TRPM1: variants seen among roughly 807,000 people sequenced by gnomAD.
The protein encoded by TRPM1 is TRPM1-203 APA Isoform, Intron 10.
A neutral mutation model predicts 149.4 loss-of-function variants in TRPM1; 113 were observed. The observed-to-expected ratio is 0.76, with a 90% CI of 0.65 to 0.88. The LOEUF (loss-of-function observed/expected upper bound fraction) is 0.88, where lower values mean the gene tolerates loss of function less well. Ranked by LOEUF, TRPM1 falls within the 40% of genes least tolerant of loss-of-function variation. The probability of loss-of-function intolerance (pLI) is 0.00; values close to 1 mark genes in which losing one functional copy is unlikely to be tolerated. For synonymous variants in TRPM1, 741 were observed against 759.5 expected (o/e 0.98, Z 0.40); for missense variants, 1,976 against 2,038.7 (o/e 0.97, Z 0.59).
chr15:31,089,044 A>G (rs1306251973), intron 1 of TRPM1, among the ~76,000 whole-genome samples: 2 of 152,224 alleles, frequency 1.3e-5, no homozygotes, highest in African/African-American at 2.4e-5. Context: ...GGTATCAGAA[A>G]TCCAGTAATT....
chr15:31,160,461 G>A (rs1030552866), intron 1 of TRPM1, among the ~76,000 whole-genome samples: 14 of 152,148 alleles, frequency 9.2e-5, no homozygotes, highest in African/African-American at 2.7e-4. Context: ...CCCTAAGGGC[G>A]AGGCCCAAGC....
intron 26 of TRPM1, 146 bp from the exon 27 acceptor site, chr15:31,026,417 T>C (rs1226158208): frequency 2.0e-6 from 2 of 1,019,886 alleles, no homozygotes; most frequent in Non-Finnish European, 2.9e-6. Flanking sequence ...TTGATTTTTA[T>C]CTAAAAAGGG....
chr15:31,038,668 C>T (rs1197109511), intron 18 of TRPM1, among the ~76,000 whole-genome samples: 6 of 152,014 alleles, frequency 3.9e-5, no homozygotes, highest in African/African-American at 1.2e-4. Flanking sequence ...GGCGAGATCG[C>T]GCCACTGCAC....
At chr15:31,061,377 G>C in intron 10 of TRPM1, 65 bp downstream of exon 10, 2 of 1,509,674 alleles carry the variant, frequency 1.3e-6, no homozygotes, top group Non-Finnish European at 9.2e-7. Context: ...GGGAGGCCGG[G>C]AGGGAAGGAT....
intron 3 of TRPM1, among the ~76,000 whole-genome samples, chr15:31,074,330 CT>C (rs2034637962): frequency 6.6e-6 from 1 of 152,030 alleles, no homozygotes; most frequent in African/African-American, 2.4e-5. Flanking sequence ...TGGGCCTGGG[CT>C]TTTCTTTGGA....
At chr15:31,068,805 G>A (rs909204909) in intron 4 of TRPM1, among the ~76,000 whole-genome samples, 3 of 149,692 alleles carry the variant, frequency 2.0e-5, no homozygotes, top group Non-Finnish European at 4.4e-5. Flanking sequence ...CTTCTGCCAT[G>A]TGAGGACACA....
chr15:31,098,834 G>T (rs1002497709), intron 1 of TRPM1, among the ~76,000 whole-genome samples: 6 of 152,112 alleles, frequency 3.9e-5, no homozygotes, highest in African/African-American at 1.4e-4. Flanking sequence ...GGGCAGACAG[G>T]GGGCCAGGGA....
chr15:31,135,395 A>G lies in TRPM1; in HGVS notation c.54+25511T>C, dbSNP rs76474727. ...ATGTTGAACATGATAAATGCATACA[A>G]TTTTTACTTGTCAATTAAAAAAATT... On this transcript the variant is annotated intron_variant, in intron 1 of 26. Coordinates refer to the TRPM1 transcript ENST00000542188. Among the ~76,000 whole-genome samples the G allele has an allele frequency of 5.3e-5, 8 of 152,268 alleles. No individual in the cohort carries two copies. The East Asian group carries it at 1.5e-3, about 29-fold the overall frequency.
chr15:31,057,853 G>A (rs1353914877), intron 11 of TRPM1, among the ~76,000 whole-genome samples: 1 of 152,190 alleles, frequency 6.6e-6, no homozygotes, highest in Non-Finnish European at 1.5e-5. Flanking sequence ...TAGTGAAAGA[G>A]TTCTTATGAG....
intron 26 of TRPM1, 65 bp downstream of exon 26, chr15:31,026,850 G>A (rs2032784674): frequency 2.0e-6 from 3 of 1,532,068 alleles, no homozygotes; most frequent in Non-Finnish European, 2.7e-6. Flanking sequence ...ATTTCTGTGA[G>A]GATGTCCAAT....
At chr15:31,073,800 G>A (rs1467884489) in intron 3 of TRPM1, among the ~76,000 whole-genome samples, 2 of 152,024 alleles carry the variant, frequency 1.3e-5, no homozygotes, top group Admixed American at 1.3e-4. Flanking sequence ...TAGGAGGAAA[G>A]CAATCTTTCA....
chr15:31,034,955 C>T (rs1431926498), intron 21 of TRPM1, among the ~76,000 whole-genome samples: 3 of 152,176 alleles, frequency 2.0e-5, no homozygotes, highest in Admixed American at 6.5e-5. Context: ...ATGGAATAAA[C>T]TTGGGATTGT....
At position 31,066,116 on chromosome 15, in the gene TRPM1, C is replaced by T. The variant is rs760170518; in HGVS notation, c.750G>A (p.Arg250=). The T allele has an allele frequency of 3.7e-6, 6 of 1,614,178 alleles. No homozygotes were observed. The highest frequency in any genetic ancestry group is 4.2e-6 in the Non-Finnish European group (5 of 1,180,014). ...GCAGGGAGATGTGCTTTTCCAGCAG[C>T]CTTCGCAGCTTCACCTCGGCGCCAT... ...GKYGAEVKLR[R]LLEKHISLQK... is the part of the protein sequence containing the mutation. The change falls in exon 7 of 28, where the codon AGG becomes AGA. Residue 250 remains arginine, a synonymous_variant. Transcript: ENST00000256552.
chr15:31,125,729 CAAAAAAA>C lies in TRPM1; in HGVS notation c.54+35170_54+35176del, dbSNP rs59878175. 8.8e-3 allele frequency among the ~76,000 whole-genome samples: 465 copies of C among 52,744 alleles called. 4 individuals are homozygous for C. Among genetic ancestry groups the C allele is most frequent in the African/African-American group, 0.031 (426 of 13,748 alleles). The allele number at this position is 52,744 out of a possible 152,430, so 34.6% of individuals were successfully genotyped here. On this transcript the variant is annotated intron_variant, in intron 1 of 26. Coordinates refer to the TRPM1 transcript ENST00000542188. ...TGGGCGACAGAGCGAGACTCCGTCT[CAAAAAAA>C]AAAAAAAAAAAAAAAAAAAATTATT...
intron 27 of TRPM1, among the ~76,000 whole-genome samples, chr15:31,013,844 T>C (rs2032269435): frequency 6.6e-6 from 1 of 152,222 alleles, no homozygotes. Flanking sequence ...CTGAAGTTTG[T>C]ATTTTATTAG....
intron 26 of TRPM1, 76 bp downstream of exon 26, chr15:31,026,839 G>A: frequency 1.3e-6 from 2 of 1,495,610 alleles, no homozygotes; most frequent in Non-Finnish European, 9.3e-7. Context: ...AGTTGAGTGA[G>A]ATTTCTGTGA....
At chr15:31,115,072 T>C (rs1596081855) in intron 1 of TRPM1, among the ~76,000 whole-genome samples, 2 of 152,112 alleles carry the variant, frequency 1.3e-5, no homozygotes, top group African/African-American at 4.8e-5. Flanking sequence ...CTGGCCAAAA[T>C]GGTGACATCC....
intron 10 of TRPM1, among the ~76,000 whole-genome samples, chr15:31,060,932 G>C (rs989506409): frequency 3.9e-5 from 6 of 152,164 alleles, no homozygotes; most frequent in African/African-American, 1.4e-4. Flanking sequence ...CAGGAAGGCT[G>C]GAACCCTGGG....
chr15:31,123,248 G>A (rs1474953498), intron 1 of TRPM1, among the ~76,000 whole-genome samples: 1 of 152,178 alleles, frequency 6.6e-6, no homozygotes, highest in Non-Finnish European at 1.5e-5. Flanking sequence ...GATATCATAG[G>A]AGAAAATCCA....
Sources: gnomAD v4.1 joint callset for allele counts (sites outside exome capture counted in the v4.1 genomes callset) on GRCh38, gnomAD v4.1.1 for gene constraint, MANE v1.5 for transcripts, NCBI Gene and HGNC (gene_info 2026-07-23, HGNC 2026-07-21) for gene names.